The following RSBN1 variants were observed in gnomAD, a reference collection of about 807,000 sequenced individuals.
The protein encoded by RSBN1 is lysine-specific demethylase 9.
A neutral mutation model predicts 74.8 loss-of-function variants in RSBN1; 23 were observed. The ratio of observed to expected loss-of-function variants is 0.31; its 90% CI spans 0.22 to 0.44. RSBN1 has a LOEUF of 0.44. Ranked by LOEUF, RSBN1 falls within the 20% of genes least tolerant of loss-of-function variation. The pLI is 1.00. For missense variants in RSBN1, 808 were observed against 1,020.9 expected (o/e 0.79, Z 2.84); for synonymous variants, 407 against 379.6 (o/e 1.07, Z -0.84).
intron 2 of RSBN1, among the ~76,000 whole-genome samples, chr1:113,790,883 A>T (rs370808030): frequency 6.6e-6 from 1 of 152,188 alleles, no homozygotes; most frequent in East Asian, 1.9e-4. Flanking sequence ...CATGAACCAA[A>T]ATTTCCAGAA....
intron 2 of RSBN1, among the ~76,000 whole-genome samples, chr1:113,786,676 G>A (rs967149680): frequency 2.6e-5 from 4 of 152,074 alleles, no homozygotes; most frequent in African/African-American, 4.8e-5. Context: ...GTTGTTTTAA[G>A]CCATTGTTTG....
rs1660492763 is a variant in RSBN1 at position 113,797,410 on chromosome 1, C to T, written c.1330G>A (p.Gly444Ser). The T allele has an allele frequency of 6.2e-7, 1 of 1,611,984 alleles. No individual in the cohort carries two copies. The highest frequency in any genetic ancestry group is 1.3e-5 in the African/African-American group (1 of 74,750). Residue 444 changes from glycine (G) to serine (S), a missense_variant, in exon 2 of 7, where the codon GGC becomes AGC. Gly to Ser is a moderately conservative substitution (Grantham distance 56). Transcript: ENST00000261441. ...PNTPVKMEIL[G>S]KKDIETTTIS... is the part of the protein sequence containing the mutation. ...GTGGTTGTTTCAATATCTTTCTTGC[C>T]CAGAATTTCCATTTTCACTGGAGTG...
chr1:113,773,800 C>T (rs1159522538), intron 4 of RSBN1, among the ~76,000 whole-genome samples: 1 of 151,916 alleles, frequency 6.6e-6, no homozygotes, highest in East Asian at 1.9e-4. Context: ...GTCAAGAGAT[C>T]GAGACCATCC....
In RSBN1 at chr1:113,793,093, T is replaced by C. The variant is rs72990450; in HGVS notation, c.1377+4270A>G. Reference sequence around the variant, plus strand: ...TTCTTGCACAAAATCTACATTTTACTTTCTCCTGCTTAGAGGAGCTGAGTT... The same window carrying C: ...TTCTTGCACAAAATCTACATTTTACCTTCTCCTGCTTAGAGGAGCTGAGTT... On this transcript the variant is annotated intron_variant, in intron 2 of 6. Coordinates refer to ENST00000261441, the MANE Select transcript of RSBN1 (RefSeq NM_018364.5). 3.6e-3 allele frequency among the ~76,000 whole-genome samples: 544 copies of C among 152,318 alleles called. 1 individual carries two copies. Among genetic ancestry groups the C allele is most frequent in the African/African-American group, 0.013 (526 of 41,578 alleles).
chr1:113,774,980 T>C (rs1257830225), intron 4 of RSBN1, among the ~76,000 whole-genome samples: 2 of 152,064 alleles, frequency 1.3e-5, no homozygotes, highest in South Asian at 2.1e-4. Flanking sequence ...AGATTATTTA[T>C]GGCTATATAT....
chr1:113,774,890 A>C (rs1659990607), intron 4 of RSBN1, among the ~76,000 whole-genome samples: 1 of 152,170 alleles, frequency 6.6e-6, no homozygotes, highest in Non-Finnish European at 1.5e-5. Context: ...AGAATTGGTT[A>C]AATAAATCTT....
rs1176599878 is a variant in RSBN1, at chr1:113,762,423, TG to T, written c.*3556del. 6.6e-6 allele frequency: 1 copy of T among 152,512 alleles called. No individual in the cohort carries two copies. The highest frequency in any genetic ancestry group is 1.5e-5 in the Non-Finnish European group (1 of 68,042). 9.4% of individuals were successfully genotyped at this position (152,512 alleles called of 1,614,324 possible). A position where few individuals can be genotyped will look rare whatever the true frequency, so the allele number is the denominator to read the frequency against. On this transcript the variant is annotated 3_prime_UTR_variant, in exon 7 of 7. Transcript: ENST00000261441. ...ACGTGCTAAAGAAAAACATTTGTAC[TG>T]TGCATTTCCTCTACTTGCATGGCCA...
intron 2 of RSBN1, 121 bp from the exon 3 acceptor site, chr1:113,777,929 CA>C (rs1417066123): frequency 1.1e-6 from 1 of 897,256 alleles, no homozygotes; most frequent in Non-Finnish European, 1.5e-6. Flanking sequence ...ACTGAATGGT[CA>C]ATACCTTGAA....
intron 4 of RSBN1, among the ~76,000 whole-genome samples, chr1:113,768,950 T>TA (rs1030833010): frequency 2.6e-5 from 4 of 151,814 alleles, no homozygotes; most frequent in African/African-American, 9.7e-5. Context: ...ATACTTTTTT[T>TA]AAAAAAGAAT....
chr1:113,787,596 G>C (rs184806648), intron 2 of RSBN1, among the ~76,000 whole-genome samples: 2 of 152,088 alleles, frequency 1.3e-5, no homozygotes, highest in East Asian at 3.8e-4. Flanking sequence ...CAGACACAAG[G>C]ATACAAGGCA....
intron 2 of RSBN1, among the ~76,000 whole-genome samples, chr1:113,788,635 C>A (rs1210066560): frequency 5.3e-5 from 8 of 151,922 alleles, no homozygotes. Flanking sequence ...TGAAGCAATG[C>A]CTTTATAAAG....
intron 3 of RSBN1, 41 bp from the exon 4 acceptor site, chr1:113,777,393 A>T (rs1444155991): frequency 6.4e-7 from 1 of 1,573,108 alleles, no homozygotes; most frequent in Non-Finnish European, 8.7e-7. Flanking sequence ...AAATTGTTTC[A>T]ATGATTTATA....
intron 2 of RSBN1, among the ~76,000 whole-genome samples, chr1:113,786,927 T>G (rs974694527): frequency 1.2e-4 from 19 of 152,236 alleles, no homozygotes; most frequent in Non-Finnish European, 2.4e-4. Flanking sequence ...ATTAAATCTT[T>G]AGAATATATT....
At chr1:113,791,329 A>G (rs1442621200) in intron 2 of RSBN1, among the ~76,000 whole-genome samples, 1 of 152,242 alleles carries the variant, frequency 6.6e-6, no homozygotes. Flanking sequence ...CTGTCAATAC[A>G]TATGTAGTGT....
intron 2 of RSBN1, among the ~76,000 whole-genome samples, chr1:113,782,048 C>T (rs2101802606): frequency 6.6e-6 from 1 of 152,290 alleles, no homozygotes; most frequent in East Asian, 1.9e-4. Flanking sequence ...TTAAGGAAGA[C>T]AAAGCCCCTC....
At chr1:113,775,645 C>T (rs1419756418) in intron 4 of RSBN1, among the ~76,000 whole-genome samples, 1 of 152,112 alleles carries the variant, frequency 6.6e-6, no homozygotes, top group Non-Finnish European at 1.5e-5. Flanking sequence ...CCTCTTTTTA[C>T]TCTTTCCTAT....
At chr1:113,798,740 T>C (rs1035932476) in intron 1 of RSBN1, among the ~76,000 whole-genome samples, 1 of 152,182 alleles carries the variant, frequency 6.6e-6, no homozygotes, top group African/African-American at 2.4e-5. Context: ...TCCATTACAG[T>C]ATTATTTAAA....
At chr1:113,774,818 G>A (rs1659988551) in intron 4 of RSBN1, among the ~76,000 whole-genome samples, 1 of 152,128 alleles carries the variant, frequency 6.6e-6, no homozygotes, top group Non-Finnish European at 1.5e-5. Context: ...TCATGCCACT[G>A]CACTCCAGCC....
rs900398469 is a variant in RSBN1 at position 113,763,813 on chromosome 1, T to C, written c.*2167A>G. ...AGATCCGCTGGTTCCTGAGTGATAA[T>C]ACACAGTGCTGGCTGTCAGGAGACA... On this transcript the variant is annotated 3_prime_UTR_variant, in exon 7 of 7. Coordinates refer to ENST00000261441, the MANE Select transcript of RSBN1 (RefSeq NM_018364.5). 1 of 152,664 alleles carries C rather than the reference T, an allele frequency of 6.6e-6. No individual in the cohort carries two copies. The highest frequency in any genetic ancestry group is 1.5e-5 in the Non-Finnish European group (1 of 68,012). 9.5% of individuals were successfully genotyped at this position (152,664 alleles called of 1,614,324 possible). A position where few individuals can be genotyped will look rare whatever the true frequency, so the allele number is the denominator to read the frequency against.
Sources: allele counts gnomAD v4.1 joint callset (sites outside exome capture counted in the v4.1 genomes callset), GRCh38; gene constraint gnomAD v4.1.1; transcripts MANE v1.5; gene names NCBI Gene and HGNC (gene_info 2026-07-23, HGNC 2026-07-21).